Variants in DNAH5 observed in about 807,000 individuals in gnomAD.
DNAH5 encodes dynein axonemal heavy chain 5, also known as axonemal beta dynein heavy chain 5.
Under a neutral mutation model 518.2 loss-of-function variants are expected in DNAH5, and 372 were observed. The observed-to-expected ratio is 0.72, with a 90% CI of 0.66 to 0.78. The LOEUF is 0.78. DNAH5 is among the 30% of genes least tolerant of loss of function. DNAH5 has a pLI of 0.00. For missense variants in DNAH5, 5,523 were observed against 5,687.0 expected (o/e 0.97, Z 0.93); for synonymous variants, 2,039 against 2,025.9 (o/e 1.01, Z -0.17).
chr5:13,692,526 G>T (rs1270423733), intron 78 of DNAH5, among the ~76,000 whole-genome samples: 2 of 152,086 alleles, frequency 1.3e-5, no homozygotes, highest in African/African-American at 4.8e-5. Flanking sequence ...CAGCACCAGT[G>T]GGCATTACTT....
At chr5:13,715,704 G>A (rs1487735173) in intron 74 of DNAH5, among the ~76,000 whole-genome samples, 2 of 152,236 alleles carry the variant, frequency 1.3e-5, no homozygotes, top group Non-Finnish European at 2.9e-5. Flanking sequence ...AGGAGACGCA[G>A]TCACCTTGAA....
intron 29 of DNAH5, among the ~76,000 whole-genome samples, chr5:13,861,841 C>T (rs1768460198): frequency 6.6e-6 from 1 of 150,734 alleles, no homozygotes; most frequent in Admixed American, 6.7e-5. Context: ...CCTGTAATCC[C>T]AGTACTCAGG....
chr5:13,929,677 G>A (rs1778227239), intron 2 of DNAH5, among the ~76,000 whole-genome samples: 1 of 152,212 alleles, frequency 6.6e-6, no homozygotes, highest in African/African-American at 2.4e-5. Context: ...ATCACAGCCA[G>A]TATTGAAGCT....
intron 25 of DNAH5, among the ~76,000 whole-genome samples, chr5:13,867,036 T>C (rs1204997616): frequency 6.6e-6 from 1 of 152,162 alleles, no homozygotes; most frequent in Non-Finnish European, 1.5e-5. Context: ...GAGCTCTGTG[T>C]TATTTGTGTA....
chr5:13,922,124 C>T lies in DNAH5; in HGVS notation c.643G>A (p.Glu215Lys). ...GFVNVLSGAQESLKEKVNLRK... is the reference protein window; with the variant it reads ...GFVNVLSGAQKSLKEKVNLRK... The stretch of plus-strand genomic sequence containing the variant: ...GTCCTCACCTTCTCCTTCAGACTCT[C>T]CTGTGCACCCGACAGGACGTTCACA... Residue 215 changes from glutamate (E) to lysine (K), a missense_variant, in exon 5 of 79, where the codon GAG becomes AAG. Coordinates refer to ENST00000265104, the MANE Select transcript of DNAH5 (RefSeq NM_001369.3). 6.2e-7 allele frequency: 1 copy of T among 1,614,092 alleles called. No homozygotes were observed. The highest frequency in any genetic ancestry group is 8.5e-7 in the Non-Finnish European group (1 of 1,179,998).
intron 65 of DNAH5, among the ~76,000 whole-genome samples, chr5:13,747,223 C>T (rs979338030): frequency 1.3e-5 from 2 of 152,020 alleles, no homozygotes; most frequent in African/African-American, 4.8e-5. Context: ...TGAACTCATC[C>T]TTTTTTACGG....
At chr5:13,999,560 A>G (rs142781560) in intron 1 of DNAH5, among the ~76,000 whole-genome samples, 2 of 152,242 alleles carry the variant, frequency 1.3e-5, no homozygotes, top group African/African-American at 4.8e-5. Context: ...CACTGTATGT[A>G]TACAGCACAC....
At chr5:13,983,971 G>T (rs34679300) in intron 1 of DNAH5, among the ~76,000 whole-genome samples, 11 of 152,162 alleles carry the variant, frequency 7.2e-5, no homozygotes, top group Middle Eastern at 3.2e-3. Context: ...TTTCAGTTAC[G>T]TTAGGTGGGA....
intron 1 of DNAH5, among the ~76,000 whole-genome samples, chr5:13,998,816 T>C (rs906940364): frequency 6.6e-6 from 1 of 152,210 alleles, no homozygotes; most frequent in Admixed American, 6.5e-5. Flanking sequence ...ATGTTTTGAA[T>C]TGCACACACA....
At chr5:13,946,235 G>A (rs985503119), upstream of DNAH5, among the ~76,000 whole-genome samples, 8 of 152,282 alleles carry the variant, frequency 5.3e-5, no homozygotes, top group South Asian at 2.1e-4. Flanking sequence ...ACAACGCATC[G>A]CTTGGGGAGA....
At chr5:13,867,561 T>C (rs1321855335) in intron 25 of DNAH5, among the ~76,000 whole-genome samples, 3 of 152,110 alleles carry the variant, frequency 2.0e-5, no homozygotes, top group Non-Finnish European at 4.4e-5. Context: ...TCTCGAGCAG[T>C]TCTTTATAGC....
intron 1 of DNAH5, among the ~76,000 whole-genome samples, chr5:13,962,366 C>T (rs991187950): frequency 1.2e-4 from 18 of 152,076 alleles, no homozygotes; most frequent in Non-Finnish European, 2.2e-4. Flanking sequence ...CCTTAGAAAA[C>T]AATAAGTTTC....
chr5:13,959,593 CTGGAGG>C (rs1781013953), intron 1 of DNAH5, among the ~76,000 whole-genome samples: 1 of 152,168 alleles, frequency 6.6e-6, no homozygotes, highest in Non-Finnish European at 1.5e-5. Context: ...AAGGTGGGAC[CTGGAGG>C]TGGTTTTACC....
At chr5:13,748,672 T>G (rs1319411187) in intron 65 of DNAH5, among the ~76,000 whole-genome samples, 1 of 152,194 alleles carries the variant, frequency 6.6e-6, no homozygotes, top group East Asian at 1.9e-4. Context: ...ATGATTTGGC[T>G]CTCTGTTTGC....
chr5:13,708,121 A>C lies in DNAH5; in HGVS notation c.13338+2T>G. The C allele has an allele frequency of 6.2e-7, 1 of 1,614,064 alleles. No homozygotes were observed. Among genetic ancestry groups the C allele is most frequent in the Non-Finnish European group, 8.5e-7 (1 of 1,179,928 alleles). On this transcript the variant is annotated splice_donor_variant, in intron 76 of 78. Coordinates refer to ENST00000265104, the MANE Select transcript of DNAH5 (RefSeq NM_001369.3). LOFTEE classifies it high-confidence loss of function. ...GCAGAATAACAGCAGGCTTATACGT[A>C]CTTTTTTCCACCAAGCAGGGATTCT...
chr5:13,879,747 A>G (rs1213451088), intron 21 of DNAH5, among the ~76,000 whole-genome samples: 1 of 152,098 alleles, frequency 6.6e-6, no homozygotes, highest in East Asian at 1.9e-4. Flanking sequence ...GTCACTGAAA[A>G]TCATCCAATC....
intron 75 of DNAH5, among the ~76,000 whole-genome samples, chr5:13,710,193 G>A (rs1743307496): frequency 6.6e-6 from 1 of 152,082 alleles, no homozygotes; most frequent in Admixed American, 6.5e-5. Flanking sequence ...TTGCTGGGTG[G>A]CTAGACCCAG....
chr5:13,827,176 G>C (rs183435977), intron 38 of DNAH5, among the ~76,000 whole-genome samples: 215 of 152,288 alleles, frequency 1.4e-3, no homozygotes, highest in African/African-American at 4.8e-3. Flanking sequence ...GCTTTCAAGA[G>C]GAAGCAGAGC....
chr5:13,844,039 C>A (rs79159870), intron 32 of DNAH5, among the ~76,000 whole-genome samples: 1 of 55,274 alleles, frequency 1.8e-5, no homozygotes, highest in Non-Finnish European at 3.5e-5. Context: ...TAACAAGTGG[C>A]TTTTAATTGC....
Sources: gnomAD v4.1 joint callset for allele counts (sites outside exome capture counted in the v4.1 genomes callset) on GRCh38, gnomAD v4.1.1 for gene constraint, MANE v1.5 for transcripts, NCBI Gene and HGNC (gene_info 2026-07-23, HGNC 2026-07-21) for gene names.